ABCD3: variants seen among roughly 807,000 people sequenced by gnomAD.
ABCD3 encodes the protein ATP-binding cassette sub-family D member 3.
ABCD3 carries 41 observed loss-of-function variants against 105.5 expected under a neutral mutation model. The observed-to-expected ratio is 0.39, with a 90% CI of 0.30 to 0.50. The LOEUF is 0.50. ABCD3 is among the 20% of genes least tolerant of loss of function. The pLI is 0.84. For missense variants in ABCD3, 622 were observed against 806.3 expected (o/e 0.77, Z 2.77); for synonymous variants, 258 against 269.0 (o/e 0.96, Z 0.40).
chr1:94,422,192 C>T (rs377450183), intron 1 of ABCD3, among the ~76,000 whole-genome samples: 24 of 152,290 alleles, frequency 1.6e-4, no homozygotes, highest in African/African-American at 5.5e-4. Flanking sequence ...GGTCCCCAAC[C>T]CCCGGGCTGT....
the ABCD3 span, among the ~76,000 whole-genome samples, chr1:94,397,092 A>G: frequency 6.6e-6 from 1 of 152,196 alleles, no homozygotes; most frequent in Admixed American, 6.5e-5. Flanking sequence ...AAGACATTTT[A>G]TCATAACCTT....
rs1388487875 is a variant in ABCD3, at chr1:94,460,864, TTCTA to T, written c.147+2225_147+2228del. On this transcript the variant is annotated intron_variant, in intron 2 of 22. Coordinates refer to ENST00000370214, the MANE Select transcript of ABCD3 (RefSeq NM_002858.4). ...AGCTCCGTGATCTCTCATGTCTAAGTTCTATCTGAGTAATCAAATGTTAGTTATC... is the reference window on the plus strand; with the variant it reads ...AGCTCCGTGATCTCTCATGTCTAAGTTCTGAGTAATCAAATGTTAGTTATC... Among the ~76,000 whole-genome samples the T allele has an allele frequency of 2.6e-5, 4 of 152,258 alleles. No individual in the cohort carries two copies. In the South Asian group the frequency reaches 8.3e-4, roughly 32 times the overall value.
intron 20 of ABCD3, among the ~76,000 whole-genome samples, chr1:94,501,378 A>G (rs1016837163): frequency 6.6e-6 from 1 of 152,144 alleles, no homozygotes; most frequent in Non-Finnish European, 1.5e-5. Flanking sequence ...GCCATTGTCT[A>G]GAGAATTGAA....
chr1:94,489,622 C>T (rs1382680817), intron 13 of ABCD3, 103 bp from the exon 14 acceptor site: 2 of 818,606 alleles, frequency 2.4e-6, no homozygotes, highest in Non-Finnish European at 4.1e-6. Context: ...TAGGTTACTT[C>T]ATTTATACTA....
chr1:94,438,001 A>G (rs1394019464), intron 1 of ABCD3, among the ~76,000 whole-genome samples: 1 of 152,108 alleles, frequency 6.6e-6, no homozygotes, highest in African/African-American at 2.4e-5. Context: ...TAAAACTTGA[A>G]AGGATGGCCA....
the ABCD3 span, among the ~76,000 whole-genome samples, chr1:94,392,467 C>T: frequency 6.6e-6 from 1 of 152,176 alleles, no homozygotes; most frequent in Non-Finnish European, 1.5e-5. Context: ...ATTACTGCAG[C>T]ACAGCCCTAG....
intron 4 of ABCD3, among the ~76,000 whole-genome samples, chr1:94,471,468 G>A (rs1648455467): frequency 6.9e-6 from 1 of 145,074 alleles, no homozygotes; most frequent in South Asian, 2.2e-4. Flanking sequence ...TGAGCAGAAG[G>A]ATCACTTAAG....
At chr1:94,498,730 C>G (rs1649954988) in intron 17 of ABCD3, 51 bp downstream of exon 17, 2 of 1,612,498 alleles carry the variant, frequency 1.2e-6, no homozygotes, top group Admixed American at 1.7e-5. Context: ...GCCATACTGT[C>G]TACCACTTTG....
At chr1:94,448,953 T>C (rs369152024) in intron 1 of ABCD3, among the ~76,000 whole-genome samples, 37 of 152,350 alleles carry the variant, frequency 2.4e-4, no homozygotes, top group African/African-American at 8.9e-4. Flanking sequence ...AAATTTTTTT[T>C]AGCATGCCTA....
At chr1:94,449,658 T>C (rs1243551352) in intron 1 of ABCD3, among the ~76,000 whole-genome samples, 1 of 152,232 alleles carries the variant, frequency 6.6e-6, no homozygotes, top group African/African-American at 2.4e-5. Flanking sequence ...TTTAGGAAGA[T>C]TGCATTGCAG....
At chr1:94,445,003 G>A (rs1317880589) in intron 1 of ABCD3, among the ~76,000 whole-genome samples, 1 of 152,214 alleles carries the variant, frequency 6.6e-6, no homozygotes, top group Non-Finnish European at 1.5e-5. Flanking sequence ...TGAGCAATCT[G>A]TGCCTTAAGG....
the ABCD3 span, among the ~76,000 whole-genome samples, chr1:94,401,195 A>T: frequency 2.0e-5 from 3 of 152,256 alleles, no homozygotes; most frequent in Non-Finnish European, 4.4e-5. Flanking sequence ...TAAGAACATG[A>T]ACTAATCATT....
In ABCD3 at chr1:94,475,752, T is replaced by G. The variant is rs1648708456; in HGVS notation, c.627+15T>G. On this transcript the variant is annotated intron_variant, in intron 7 of 22. Transcript: ENST00000370214. ...ATCTTAGTAAGGTAAGTTTCTCTCC[T>G]TTTTAAAAGATTATTTGTTTAATTT... The G allele has an allele frequency of 6.3e-7, 1 of 1,585,918 alleles. No individual in the cohort carries two copies. The highest frequency in any genetic ancestry group is 8.6e-7 in the Non-Finnish European group (1 of 1,156,696).
chr1:94,431,452 A>T (rs963556150), intron 1 of ABCD3, among the ~76,000 whole-genome samples: 2 of 152,248 alleles, frequency 1.3e-5, no homozygotes, highest in Non-Finnish European at 2.9e-5. Context: ...TTTGCTGTTA[A>T]GAAACTCATA....
chr1:94,440,952 C>T (rs1032828998), intron 1 of ABCD3, among the ~76,000 whole-genome samples: 10 of 150,602 alleles, frequency 6.6e-5, no homozygotes, highest in African/African-American at 1.2e-4. Context: ...ATTGGAAATG[C>T]GATAAAATGA....
rs757998984 is a variant in ABCD3, at chr1:94,418,448, C to G, written c.-31C>G. 1.8e-5 allele frequency: 28 copies of G among 1,563,504 alleles called. No homozygotes were observed. The highest frequency in any genetic ancestry group is 1.9e-5 in the Non-Finnish European group (22 of 1,156,164). On this transcript the variant is annotated 5_prime_UTR_variant, in exon 1 of 23. Transcript: ENST00000370214. ...CCGCCGCCGCCGCCGCCGCCGCGTC[C>G]CCTCGCCGGCTCGCTGGTACCGGCA...
At chr1:94,501,209 C>A (rs1190854193) in intron 20 of ABCD3, among the ~76,000 whole-genome samples, 1 of 139,838 alleles carries the variant, frequency 7.2e-6, no homozygotes, top group Non-Finnish European at 1.5e-5. Flanking sequence ...TGCAGTGAGC[C>A]AAGATCATGC....
chr1:94,477,771 A>G (rs780557117), intron 7 of ABCD3, among the ~76,000 whole-genome samples: 5 of 152,196 alleles, frequency 3.3e-5, no homozygotes, highest in South Asian at 2.1e-4. Context: ...ATTAGATTCA[A>G]TGGCTTACTT....
At chr1:94,502,882 G>T (rs547003774) in intron 20 of ABCD3, among the ~76,000 whole-genome samples, 2 of 152,132 alleles carry the variant, frequency 1.3e-5, no homozygotes, top group African/African-American at 4.8e-5. Context: ...GGTGGTGGGG[G>T]CTTTGTCAGG....
Sources: allele counts gnomAD v4.1 joint callset (sites outside exome capture counted in the v4.1 genomes callset), GRCh38; gene constraint gnomAD v4.1.1; transcripts MANE v1.5; gene names NCBI Gene and HGNC (gene_info 2026-07-23, HGNC 2026-07-21).